THSD7A: variants seen among roughly 807,000 people sequenced by gnomAD.
THSD7A encodes thrombospondin type-1 domain-containing protein 7A.
In THSD7A, 96 loss-of-function variants were observed where a neutral mutation model predicts 231.3. The ratio of observed to expected loss-of-function variants is 0.41; its 90% CI spans 0.35 to 0.49. The LOEUF (loss-of-function observed/expected upper bound fraction) is 0.49. Ranked by LOEUF, THSD7A falls within the 20% of genes least tolerant of loss-of-function variation. The probability of loss-of-function intolerance (pLI) is 0.05; values close to 1 mark genes in which losing one functional copy is unlikely to be tolerated. For synonymous variants in THSD7A, 940 were observed against 743.3 expected (o/e 1.26, Z -4.30); for missense variants, 2,290 against 2,070.2 (o/e 1.11, Z -2.06).
chr7:11,447,221 T>C lies in THSD7A; in HGVS notation c.2800+9A>G, dbSNP rs1188091402. ...CGTGTACTGGCTTTGGCATCCCAATTATTCTTACCAACAAGAGTGCGCTTT... is the reference window on the plus strand; with the variant it reads ...CGTGTACTGGCTTTGGCATCCCAATCATTCTTACCAACAAGAGTGCGCTTT... On this transcript the variant is annotated intron_variant, in intron 12 of 27. Coordinates refer to ENST00000423059, the MANE Select transcript of THSD7A (RefSeq NM_015204.3). 8 of 1,612,752 alleles carry C rather than the reference T, an allele frequency of 5.0e-6. No homozygotes were observed. In the Admixed American group the frequency reaches 5.0e-5, roughly 10 times the overall value.
At chr7:11,517,977 A>T (rs1788103685) in intron 6 of THSD7A, among the ~76,000 whole-genome samples, 1 of 152,180 alleles carries the variant, frequency 6.6e-6, no homozygotes, top group African/African-American at 2.4e-5. Context: ...CTCAGGAGAT[A>T]GCATGGAGAG....
chr7:11,666,989 A>T (rs1242877875), intron 1 of THSD7A, among the ~76,000 whole-genome samples: 3 of 152,084 alleles, frequency 2.0e-5, no homozygotes, highest in Non-Finnish European at 4.4e-5. Context: ...TAGTTTTTTT[A>T]AAAAAACAGA....
intron 1 of THSD7A, among the ~76,000 whole-genome samples, chr7:11,718,576 A>G (rs983454516): frequency 6.6e-6 from 1 of 151,704 alleles, no homozygotes; most frequent in Non-Finnish European, 1.5e-5. Flanking sequence ...ATAATTATCT[A>G]CATTATTTTC....
At chr7:11,716,783 T>C (rs753838264) in intron 1 of THSD7A, among the ~76,000 whole-genome samples, 15 of 151,584 alleles carry the variant, frequency 9.9e-5, no homozygotes, top group Non-Finnish European at 1.6e-4. Context: ...GGCTGTCCTA[T>C]TTGTCTTTCT....
At chr7:11,653,341 C>T (rs907940083) in intron 1 of THSD7A, among the ~76,000 whole-genome samples, 12 of 151,576 alleles carry the variant, frequency 7.9e-5, no homozygotes, top group Non-Finnish European at 1.8e-4. Context: ...AGTTGTTTGA[C>T]TTCAGGGTTT....
At chr7:11,421,558 AT>A (rs1167030342) in intron 16 of THSD7A, among the ~76,000 whole-genome samples, 1 of 151,952 alleles carries the variant, frequency 6.6e-6, no homozygotes, top group Non-Finnish European at 1.5e-5. Context: ...TCTTCCTTTT[AT>A]TTTTTTGTTT....
chr7:11,524,231 T>G (rs189941638), intron 6 of THSD7A, among the ~76,000 whole-genome samples: 75 of 152,204 alleles, frequency 4.9e-4, no homozygotes, highest in African/African-American at 1.8e-3. Context: ...TGAATGCCAG[T>G]GTATTGGACA....
At chr7:11,496,504 G>A (rs1583849692) in intron 6 of THSD7A, among the ~76,000 whole-genome samples, 1 of 152,062 alleles carries the variant, frequency 6.6e-6, no homozygotes, top group African/African-American at 2.4e-5. Flanking sequence ...TATGACCTGG[G>A]GTTTAGGGCT....
intron 11 of THSD7A, among the ~76,000 whole-genome samples, chr7:11,458,466 C>A (rs530685824): frequency 6.6e-6 from 1 of 152,144 alleles, no homozygotes; most frequent in Non-Finnish European, 1.5e-5. Context: ...AGGGATTGTT[C>A]TAAATATATT....
At chr7:11,755,102 G>A (rs576217503) in intron 1 of THSD7A, among the ~76,000 whole-genome samples, 1 of 152,136 alleles carries the variant, frequency 6.6e-6, no homozygotes, top group East Asian at 1.9e-4. Context: ...GCAACTTCTG[G>A]AGACAGGAGG....
chr7:11,566,192 C>A (rs1474052305), intron 4 of THSD7A, among the ~76,000 whole-genome samples: 1 of 152,206 alleles, frequency 6.6e-6, no homozygotes, highest in Admixed American at 6.5e-5. Flanking sequence ...GTGGCAAAGT[C>A]ACTGGTGTCC....
intron 4 of THSD7A, among the ~76,000 whole-genome samples, chr7:11,570,841 G>A (rs995790338): frequency 6.6e-6 from 1 of 152,184 alleles, no homozygotes; most frequent in Non-Finnish European, 1.5e-5. Context: ...CTTGATGGGG[G>A]ACCAGTTGGC....
At chr7:11,479,831 G>C (rs1786347324) in intron 7 of THSD7A, among the ~76,000 whole-genome samples, 1 of 151,740 alleles carries the variant, frequency 6.6e-6, no homozygotes. Flanking sequence ...AATAGCAGCA[G>C]AGACAAATAG....
intron 1 of THSD7A, among the ~76,000 whole-genome samples, chr7:11,801,025 G>C (rs1307991240): frequency 6.6e-6 from 1 of 152,130 alleles, no homozygotes; most frequent in East Asian, 1.9e-4. Flanking sequence ...GTATTGGCCA[G>C]ATGTGATGGC....
chr7:11,642,871 C>A (rs1562435429), intron 1 of THSD7A, among the ~76,000 whole-genome samples: 1 of 152,012 alleles, frequency 6.6e-6, no homozygotes, highest in Non-Finnish European at 1.5e-5. Flanking sequence ...CTCTTTATTT[C>A]AGTCTACAAA....
Position 11,411,432 on chromosome 7 carries a change from C to T in THSD7A, c.3683-110G>A. On this transcript the variant is annotated intron_variant, in intron 18 of 27. Transcript: ENST00000423059. This position sits in a 1 kb window ranked among gnomAD's most constrained non-coding sequence, Gnocchi z 4.1. ...TTAATTCACAACTGCTTCCTAAGCC[C>T]CATAATCAATCATCCCCCATGCAGA... 1.4e-6 allele frequency: 1 copy of T among 712,946 alleles called. No individual in the cohort carries two copies. The highest frequency in any genetic ancestry group is 1.8e-5 in the South Asian group (1 of 54,406). 44.2% of individuals were successfully genotyped at this position (712,946 alleles called of 1,614,324 possible).
intron 4 of THSD7A, among the ~76,000 whole-genome samples, chr7:11,570,675 T>A (rs1790586183): frequency 6.6e-6 from 1 of 152,196 alleles, no homozygotes; most frequent in African/African-American, 2.4e-5. Flanking sequence ...ATTCAAAGTT[T>A]ACATAAAGAA....
chr7:11,688,721 CAA>C (rs1485748947), intron 1 of THSD7A, among the ~76,000 whole-genome samples: 1 of 151,618 alleles, frequency 6.6e-6, no homozygotes, highest in Non-Finnish European at 1.5e-5. Flanking sequence ...GAGAGAGTAA[CAA>C]GAGGTGTAGT....
intron 4 of THSD7A, among the ~76,000 whole-genome samples, chr7:11,550,661 A>G (rs150237733): frequency 2.8e-4 from 42 of 152,272 alleles, no homozygotes; most frequent in Non-Finnish European, 5.4e-4. Context: ...CTGTGAGTCT[A>G]TTAAACCTCA....
Sources: gnomAD v4.1 joint callset for allele counts (sites outside exome capture counted in the v4.1 genomes callset) on GRCh38, gnomAD v4.1.1 for gene constraint, Gnocchi (gnomAD v3.1) non-coding constraint, MANE v1.5 for transcripts, NCBI Gene and HGNC (gene_info 2026-07-23, HGNC 2026-07-21) for gene names.